The following FRAS1 variants were observed in gnomAD, a reference collection of about 807,000 sequenced individuals.
FRAS1 encodes the protein extracellular matrix organizing protein FRAS1.
A neutral mutation model predicts 435.2 loss-of-function variants in FRAS1; 290 were observed. That is an observed-to-expected ratio of 0.67 (90% CI 0.61 to 0.73). FRAS1 has a LOEUF of 0.73. Ranked by LOEUF, FRAS1 falls within the 30% of genes least tolerant of loss-of-function variation. FRAS1 has a pLI of 0.00. For synonymous variants in FRAS1, 1,800 were observed against 1,851.0 expected (o/e 0.97, Z 0.71); for missense variants, 4,860 against 5,001.5 (o/e 0.97, Z 0.85).
At chr4:78,326,364 C>T (rs1403595812) in intron 18 of FRAS1, among the ~76,000 whole-genome samples, 2 of 151,974 alleles carry the variant, frequency 1.3e-5, no homozygotes, top group Non-Finnish European at 2.9e-5. Context: ...AGGATAACTC[C>T]AAGGTTTCAG....
At chr4:78,325,800 A>T (rs1331510546) in intron 18 of FRAS1, among the ~76,000 whole-genome samples, 1 of 152,220 alleles carries the variant, frequency 6.6e-6, no homozygotes, top group East Asian at 1.9e-4. Flanking sequence ...TCTGTCTAGG[A>T]GGGAAGGTAG....
chr4:78,428,424 G>A (rs578098522), intron 35 of FRAS1, among the ~76,000 whole-genome samples: 21 of 152,146 alleles, frequency 1.4e-4, no homozygotes, highest in Non-Finnish European at 2.8e-4. Context: ...CCAGGTTCAC[G>A]CCATTCTCCT....
intron 32 of FRAS1, 35 bp from the exon 33 acceptor site, chr4:78,418,914 C>G: frequency 7.8e-7 from 1 of 1,288,878 alleles, no homozygotes; most frequent in Non-Finnish European, 1.1e-6. Flanking sequence ...GTTTTTCATA[C>G]CATGTGTTCC....
At chr4:78,221,953 G>GCAAACCTCAA (rs1724071499) in intron 2 of FRAS1, among the ~76,000 whole-genome samples, 2 of 152,166 alleles carry the variant, frequency 1.3e-5, no homozygotes, top group African/African-American at 4.8e-5. Flanking sequence ...AACCGTACTG[G>GCAAACCTCAA]AAGTCTCAGG....
At chr4:78,274,112 A>G (rs543338418) in intron 9 of FRAS1, among the ~76,000 whole-genome samples, 6 of 152,240 alleles carry the variant, frequency 3.9e-5, no homozygotes, top group African/African-American at 9.6e-5. Flanking sequence ...AGAGGTGTTT[A>G]TAGTATTCTC....
chr4:78,450,085 A>G, intron 44 of FRAS1, 66 bp from the exon 45 acceptor site: 1 of 1,329,540 alleles, frequency 7.5e-7, no homozygotes, highest in Non-Finnish European at 1.0e-6. Context: ...GTCTCCTAAA[A>G]TCATTTGACA....
intron 29 of FRAS1, 24 bp from the exon 30 acceptor site, chr4:78,400,710 T>C (rs1732850176): frequency 6.2e-7 from 1 of 1,607,388 alleles, no homozygotes; most frequent in Non-Finnish European, 8.5e-7. Context: ...TTGGAACTAA[T>C]TCTGCATTTT....
Position 78,255,334 on chromosome 4 carries a change from C to T in FRAS1, c.562C>T (p.Gln188Ter). The change falls in exon 6 of 74, where the codon CAG (glutamine) becomes TAG (stop). Residue 188 changes from glutamine to a stop codon, truncating the protein, a stop_gained. Transcript: ENST00000512123. LOFTEE classifies it high-confidence loss of function. ...ATGTCTGTGTAGAAATGGGGTTGCC[C>T]AGTGCTTCACAGCTCAGTGTCAGCC... ...AKCLCRNGVA[Q>*]CFTAQCQPLF... 2.5e-6 allele frequency: 4 copies of T among 1,584,878 alleles called. No individual in the cohort carries two copies. The highest frequency in any genetic ancestry group is 3.4e-6 in the Non-Finnish European group (4 of 1,164,890).
intron 60 of FRAS1, 138 bp from the exon 61 acceptor site, chr4:78,499,583 T>C (rs1720614928): frequency 1.5e-6 from 1 of 665,318 alleles, no homozygotes; most frequent in Non-Finnish European, 2.5e-6. Context: ...TTGAGTTTTA[T>C]GACTGCAAGC....
chr4:78,509,384 G>A lies in FRAS1; in HGVS notation c.9780+378G>A, dbSNP rs558944125. On this transcript the variant is annotated intron_variant, in intron 63 of 73. Transcript: ENST00000512123. ...AGTCAGTGAAAAACTCCAGATAGGC[G>A]CTGTTGATTACTATTAATGTATCTC... Among the ~76,000 whole-genome samples the A allele has an allele frequency of 3.0e-4, 46 of 152,290 alleles. 1 individual carries two copies. The highest frequency in any genetic ancestry group is 2.5e-3 in the South Asian group (12 of 4,818).
chr4:78,204,211 C>T (rs566853765), intron 2 of FRAS1, among the ~76,000 whole-genome samples: 4 of 152,154 alleles, frequency 2.6e-5, no homozygotes, highest in Admixed American at 2.6e-4. Context: ...TCATGGAATC[C>T]CAAGCCTATA....
intron 1 of FRAS1, among the ~76,000 whole-genome samples, chr4:78,062,341 C>G (rs577630654): frequency 6.6e-6 from 1 of 152,192 alleles, no homozygotes; most frequent in Non-Finnish European, 1.5e-5. Flanking sequence ...CCTGTCAGTT[C>G]AGAAAATGAT....
chr4:78,152,727 T>C (rs1486743270), intron 2 of FRAS1, among the ~76,000 whole-genome samples: 2 of 151,132 alleles, frequency 1.3e-5, no homozygotes, highest in African/African-American at 4.9e-5. Flanking sequence ...ATTCATTGAC[T>C]GATTCCCCAG....
Position 78,315,615 on chromosome 4 carries a change from G to C in FRAS1, c.1700G>C (p.Ser567Thr). The C allele has an allele frequency of 6.2e-7, 1 of 1,612,840 alleles. No individual in the cohort carries two copies. Among genetic ancestry groups the C allele is most frequent in the Non-Finnish European group, 8.5e-7 (1 of 1,179,404 alleles). ...TTAGCTTGTGACCAATCCTGTGACA[G>C]TTGTGGCCCCAGTAGCCCCAGGTGT... ...TCSACDQSCD[S>T]CGPSSPRCLT... The change falls in exon 16 of 74, where the codon AGT becomes ACT. Residue 567 changes from serine (S) to threonine (T), a missense_variant. By Grantham distance (58) the Ser-to-Thr change is moderately conservative (BLOSUM62 1). Coordinates refer to ENST00000512123, the MANE Select transcript of FRAS1 (RefSeq NM_025074.7).
At chr4:78,301,227 C>T (rs17003116) in intron 14 of FRAS1, among the ~76,000 whole-genome samples, 2,629 of 152,278 alleles carry the variant, frequency 0.017, 80 homozygotes, top group African/African-American at 0.06. Context: ...GCTGGTGCTC[C>T]ACTGTGAAAG....
chr4:78,406,087 C>T (rs1733084120), intron 30 of FRAS1, among the ~76,000 whole-genome samples: 1 of 152,170 alleles, frequency 6.6e-6, no homozygotes, highest in Non-Finnish European at 1.5e-5. Context: ...GAGGAGAAAA[C>T]ATGATAAGTT....
chr4:78,483,778 C>A (rs1161281423), intron 58 of FRAS1, among the ~76,000 whole-genome samples: 37,746 of 69,666 alleles, frequency 0.54, 9,385 homozygotes, highest in East Asian at 0.66. Context: ...CTCTCTCTCT[C>A]TCTCTATATA....
chr4:78,084,778 T>C (rs1342135081), intron 2 of FRAS1, among the ~76,000 whole-genome samples: 3 of 152,114 alleles, frequency 2.0e-5, no homozygotes, highest in Non-Finnish European at 4.4e-5. Flanking sequence ...GAGACCAAAA[T>C]CTAGGTGTGT....
chr4:78,206,421 A>T (rs911687143), intron 2 of FRAS1, among the ~76,000 whole-genome samples: 1 of 152,186 alleles, frequency 6.6e-6, no homozygotes, highest in African/African-American at 2.4e-5. Context: ...TAGCCCAGCT[A>T]AACCAATTTC....
Sources: gnomAD v4.1 joint callset for allele counts (sites outside exome capture counted in the v4.1 genomes callset) on GRCh38, gnomAD v4.1.1 for gene constraint, MANE v1.5 for transcripts, NCBI Gene and HGNC (gene_info 2026-07-23, HGNC 2026-07-21) for gene names.